TMEM74: variants seen among roughly 807,000 people sequenced by gnomAD.
The protein encoded by TMEM74 is transmembrane protein 74.
A neutral mutation model predicts 18.1 loss-of-function variants in TMEM74; 13 were observed. The ratio of observed to expected loss-of-function variants is 0.72; its 90% CI spans 0.47 to 1.14. TMEM74 has a LOEUF of 1.14. Ranked by LOEUF, TMEM74 falls within the 50% of genes most tolerant of loss-of-function variation. The probability of loss-of-function intolerance (pLI) is 0.00; values close to 1 mark genes in which losing one functional copy is unlikely to be tolerated. For missense variants in TMEM74, 372 were observed against 375.9 expected (o/e 0.99, Z 0.09); for synonymous variants, 159 against 146.6 (o/e 1.08, Z -0.61).
In TMEM74 at chr8:108,731,543, T is replaced by G. The variant is rs1166100819; in HGVS notation, n.119+55933A>C. 2.6e-5 allele frequency among the ~76,000 whole-genome samples: 4 copies of G among 152,240 alleles called. No homozygotes were observed. The East Asian group carries it at 7.7e-4, about 29-fold the overall frequency. On this transcript the variant is annotated intron_variant and non_coding_transcript_variant, in intron 1 of 3. Transcript: ENST00000518838. ...TAAAAATTTCTTCCGTAGGACACAC[T>G]AAATTACTGGGAGGATTAGGTGATA...
chr8:108,743,086 T>C (rs1813817528), intron 1 of TMEM74, among the ~76,000 whole-genome samples: 1 of 152,170 alleles, frequency 6.6e-6, no homozygotes, highest in Non-Finnish European at 1.5e-5. Context: ...AGCAAGAACA[T>C]AATGAACATA....
chr8:108,643,760 A>G (rs1045799169), intron 2 of TMEM74, among the ~76,000 whole-genome samples: 1 of 98,558 alleles, frequency 1.0e-5, no homozygotes, highest in African/African-American at 3.7e-5. Flanking sequence ...TAGACAAAAG[A>G]AAAAAAAAAC....
chr8:108,768,937 G>A (rs1020510847), intron 1 of TMEM74, among the ~76,000 whole-genome samples: 1 of 152,074 alleles, frequency 6.6e-6, no homozygotes, highest in Non-Finnish European at 1.5e-5. Flanking sequence ...TGACTGACTT[G>A]TATGCAAGGT....
chr8:108,617,550 T>A lies in TMEM74; in HGVS notation n.265-8724A>T, dbSNP rs139865746. 5.7e-4 allele frequency among the ~76,000 whole-genome samples: 87 copies of A among 152,230 alleles called. 1 individual carries two copies. The East Asian group carries it at 0.016, about 28-fold the overall frequency. On this transcript the variant is annotated intron_variant and non_coding_transcript_variant, in intron 2 of 3. Transcript: ENST00000518838. The stretch of plus-strand genomic sequence containing the variant: ...TCCATTCAAACCTCATTTGGTTGGC[T>A]TTTGAAGGCTTCTTGGTTTTATAGG...
chr8:108,685,360 A>T (rs529835622), intron 1 of TMEM74, among the ~76,000 whole-genome samples: 26 of 152,066 alleles, frequency 1.7e-4, no homozygotes, highest in Non-Finnish European at 3.2e-4. Flanking sequence ...AAGTTTTTCT[A>T]TATGTAAGAT....
intron 2 of TMEM74, among the ~76,000 whole-genome samples, chr8:108,626,961 G>C (rs905073873): frequency 6.6e-6 from 1 of 151,888 alleles, no homozygotes; most frequent in African/African-American, 2.4e-5. Context: ...AGGTAATTTT[G>C]GATTGGCTAG....
In TMEM74 at chr8:108,681,198, C is replaced by T. The variant is rs535985910; in HGVS notation, n.120-25761G>A. On this transcript the variant is annotated intron_variant and non_coding_transcript_variant, in intron 1 of 3. Transcript: ENST00000518838. ...GTTCATATGGAACCAAAAAAGAGCC[C>T]GCATCGCCAAGTCAATCCTAAGCCA... 3.3e-4 allele frequency among the ~76,000 whole-genome samples: 50 copies of T among 152,104 alleles called. 1 individual carries two copies. In the East Asian group the frequency reaches 8.5e-3, roughly 26 times the overall value.
chr8:108,674,208 T>C (rs1813031290), intron 1 of TMEM74, among the ~76,000 whole-genome samples: 1 of 152,178 alleles, frequency 6.6e-6, no homozygotes, highest in African/African-American at 2.4e-5. Flanking sequence ...GTGGGGCTGA[T>C]ACTGCAACTT....
chr8:108,738,270 G>A lies in TMEM74; in HGVS notation n.119+49206C>T, dbSNP rs746773034. Among the ~76,000 whole-genome samples, 91 of 152,204 alleles carry A rather than the reference G, an allele frequency of 6.0e-4. 1 individual carries two copies. The highest frequency in any genetic ancestry group is 1.6e-3 in the Admixed American group (24 of 15,282). Reference sequence around the variant, plus strand: ...ATCATAATTGTATACCTCCACCTAGGATGTATGATTGGGGCCTTTTAGTGC... The same window carrying A: ...ATCATAATTGTATACCTCCACCTAGAATGTATGATTGGGGCCTTTTAGTGC... On this transcript the variant is annotated intron_variant and non_coding_transcript_variant, in intron 1 of 3. Transcript: ENST00000518838.
chr8:108,683,625 G>T (rs1170541524), intron 1 of TMEM74, among the ~76,000 whole-genome samples: 1 of 151,698 alleles, frequency 6.6e-6, no homozygotes, highest in African/African-American at 2.4e-5. Context: ...CATATTCATG[G>T]GGTACATAGT....
chr8:108,739,433 G>T (rs1443542526), intron 1 of TMEM74, among the ~76,000 whole-genome samples: 4 of 152,142 alleles, frequency 2.6e-5, no homozygotes, highest in Admixed American at 2.6e-4. Context: ...TTTACTGTTA[G>T]GAAAAAGTGG....
intron 1 of TMEM74, among the ~76,000 whole-genome samples, chr8:108,678,769 T>G (rs1280602474): frequency 6.6e-6 from 1 of 150,990 alleles, no homozygotes; most frequent in African/African-American, 2.4e-5. Flanking sequence ...TATTATACTT[T>G]AAGTTTTAGG....
At chr8:108,637,317 T>C (rs1812616551) in intron 2 of TMEM74, among the ~76,000 whole-genome samples, 1 of 152,062 alleles carries the variant, frequency 6.6e-6, no homozygotes, top group African/African-American at 2.4e-5. Context: ...ATATGCAATC[T>C]CCTTTTTGAC....
At chr8:108,772,667 G>A (rs1255121543) in intron 1 of TMEM74, among the ~76,000 whole-genome samples, 1 of 152,140 alleles carries the variant, frequency 6.6e-6, no homozygotes, top group Non-Finnish European at 1.5e-5. Flanking sequence ...GTAAATGGCA[G>A]CCTATTTATT....
intron 1 of TMEM74, among the ~76,000 whole-genome samples, chr8:108,659,616 C>G (rs1434250250): frequency 6.6e-6 from 1 of 152,142 alleles, no homozygotes; most frequent in African/African-American, 2.4e-5. Context: ...CACTCAAAGA[C>G]TTCTTATACA....
At chr8:108,648,823 T>C (rs1195109633) in intron 2 of TMEM74, among the ~76,000 whole-genome samples, 1 of 152,186 alleles carries the variant, frequency 6.6e-6, no homozygotes, top group Non-Finnish European at 1.5e-5. Context: ...ACTTCTGATC[T>C]TTATTTAGAA....
rs34098450 is a variant in TMEM74 at position 108,684,693 on chromosome 8, GT to G, written n.120-29257del. On this transcript the variant is annotated intron_variant and non_coding_transcript_variant, in intron 1 of 3. Coordinates refer to the TMEM74 transcript ENST00000518838. ...GCATTTACCCTATGTTTTTCTAATA[GT>G]TTTTTTTTTTTATCATTTTGGGTCT... Among the ~76,000 whole-genome samples the G allele has an allele frequency of 4.9e-3, 724 of 147,356 alleles. 5 individuals carry two copies. Among genetic ancestry groups the G allele is most frequent in the African/African-American group, 0.014 (583 of 40,354 alleles).
At chr8:108,684,669 C>G (rs1813149874) in intron 1 of TMEM74, among the ~76,000 whole-genome samples, 1 of 148,032 alleles carries the variant, frequency 6.8e-6, no homozygotes, top group Non-Finnish European at 1.5e-5. Flanking sequence ...TATCTTGAAG[C>G]ATTTACCCTA....
chr8:108,701,207 A>C (rs868197029), intron 1 of TMEM74, among the ~76,000 whole-genome samples: 1,735 of 152,200 alleles, frequency 0.011, 18 homozygotes, highest in Middle Eastern at 0.044. Context: ...TAAAAAAAAA[A>C]AAAAAACAAC....
Sources: gnomAD v4.1 joint callset for allele counts (sites outside exome capture counted in the v4.1 genomes callset) on GRCh38, gnomAD v4.1.1 for gene constraint, MANE v1.5 for transcripts, NCBI Gene and HGNC (gene_info 2026-07-23, HGNC 2026-07-21) for gene names.